SLC35F1: variants seen among roughly 807,000 people sequenced by gnomAD.
The protein encoded by SLC35F1 is chromosome 6 open reading frame 169.
A neutral mutation model predicts 48.7 loss-of-function variants in SLC35F1; 14 were observed. That is an observed-to-expected ratio of 0.29 (90% confidence interval 0.19 to 0.45). SLC35F1 has a LOEUF of 0.45. Among genes scored for constraint, SLC35F1 ranks in the 20% least tolerant of loss-of-function variants. SLC35F1 has a pLI of 1.00. For missense variants in SLC35F1, 404 were observed against 500.0 expected (o/e 0.81, Z 1.83); for synonymous variants, 190 against 202.2 (o/e 0.94, Z 0.51).
chr6:118,149,900 C>G (rs922524600), intron 1 of SLC35F1, among the ~76,000 whole-genome samples: 1 of 152,180 alleles, frequency 6.6e-6, no homozygotes, highest in Non-Finnish European at 1.5e-5. Context: ...TTGTCTTTAA[C>G]TCCTCTAGAG....
intron 1 of SLC35F1, among the ~76,000 whole-genome samples, chr6:118,114,229 C>T (rs1285933223): frequency 6.6e-6 from 1 of 152,148 alleles, no homozygotes; most frequent in Admixed American, 6.6e-5. Context: ...AACACTTAAC[C>T]ACTATACCTT....
chr6:118,303,412 A>C (rs1439726209), intron 7 of SLC35F1, among the ~76,000 whole-genome samples: 2 of 152,226 alleles, frequency 1.3e-5, no homozygotes, highest in Non-Finnish European at 2.9e-5. Context: ...CTAACAAAGT[A>C]ATTAGGAGAG....
At chr6:117,963,154 G>T (rs1175735996) in intron 1 of SLC35F1, among the ~76,000 whole-genome samples, 2 of 152,012 alleles carry the variant, frequency 1.3e-5, no homozygotes, top group African/African-American at 4.8e-5. Context: ...CAAAACTCTG[G>T]AATATTTAAC....
rs764027949 is a variant in SLC35F1 at position 118,267,168 on chromosome 6, T to C, written c.637+14T>C. The C allele has an allele frequency of 8.7e-6, 14 of 1,613,504 alleles. No homozygotes were observed. Among genetic ancestry groups the C allele is most frequent in the Non-Finnish European group, 1.2e-5 (14 of 1,179,658 alleles). ...ATCAGGGAGCAGGTGAGTCTTCGGA[T>C]GTTCACCAGGTTCCTTACCTCTGCG... On this transcript the variant is annotated intron_variant, in intron 4 of 7. Coordinates refer to ENST00000360388, the MANE Select transcript of SLC35F1 (RefSeq NM_001029858.4).
At chr6:118,074,708 G>A (rs1474379518) in intron 1 of SLC35F1, among the ~76,000 whole-genome samples, 1 of 152,164 alleles carries the variant, frequency 6.6e-6, no homozygotes, top group Non-Finnish European at 1.5e-5. Flanking sequence ...TAAATGCAGT[G>A]GCATGATCAC....
chr6:117,920,635 CA>C (rs1467399244), intron 1 of SLC35F1, among the ~76,000 whole-genome samples: 1 of 152,104 alleles, frequency 6.6e-6, no homozygotes, highest in African/African-American at 2.4e-5. Context: ...GCAGCTGGGT[CA>C]GGGGGTTGTC....
At chr6:118,138,280 C>G (rs1773827378) in intron 1 of SLC35F1, among the ~76,000 whole-genome samples, 1 of 150,632 alleles carries the variant, frequency 6.6e-6, no homozygotes, top group South Asian at 2.1e-4. Context: ...TGCACTTCAG[C>G]CTTGTATCAT....
At chr6:117,948,170 A>G (rs758595195) in intron 1 of SLC35F1, among the ~76,000 whole-genome samples, 1 of 152,218 alleles carries the variant, frequency 6.6e-6, no homozygotes, top group Non-Finnish European at 1.5e-5. Flanking sequence ...CAGGGCTTTA[A>G]CCAAGACAAA....
At chr6:118,209,561 C>T (rs1298313289) in intron 2 of SLC35F1, among the ~76,000 whole-genome samples, 1 of 152,000 alleles carries the variant, frequency 6.6e-6, no homozygotes, top group African/African-American at 2.4e-5. Context: ...GGAAACATAC[C>T]TCTGTAATTG....
intron 1 of SLC35F1, among the ~76,000 whole-genome samples, chr6:117,918,349 A>C (rs1298920254): frequency 1.3e-5 from 2 of 152,162 alleles, no homozygotes; most frequent in Non-Finnish European, 2.9e-5. Context: ...TGGAATTCAA[A>C]GCATGGTGGG....
Position 118,108,909 on chromosome 6 carries a change from C to T in SLC35F1, c.174-45536C>T, listed in dbSNP as rs188060544. The stretch of plus-strand genomic sequence containing the variant: ...TTAAATTGCAATACTTATTGCTTTT[C>T]TTTGTTTTGAATTATTCTAAAGTCC... On this transcript the variant is annotated intron_variant, in intron 1 of 7. Coordinates refer to ENST00000360388, the MANE Select transcript of SLC35F1 (RefSeq NM_001029858.4). Among the ~76,000 whole-genome samples, 514 of 152,152 alleles carry T rather than the reference C, an allele frequency of 3.4e-3. 1 individual carries two copies. The highest frequency in any genetic ancestry group is 5.8e-3 in the Non-Finnish European group (396 of 67,986).
intron 2 of SLC35F1, among the ~76,000 whole-genome samples, chr6:118,204,981 C>G (rs990292622): frequency 2.0e-5 from 3 of 152,292 alleles, no homozygotes; most frequent in African/African-American, 7.2e-5. Context: ...TGACAGAAAG[C>G]TACGCTGGAG....
rs186413731 is a variant in SLC35F1, at chr6:118,177,325, A to G, written c.349+22705A>G. On this transcript the variant is annotated intron_variant, in intron 2 of 7. Transcript: ENST00000360388. ...TGACCAAACTTCATCTTTTCTGAGCAAGCCTCCCTATCCTTTTGCTATCTT... is the reference window on the plus strand; with the variant it reads ...TGACCAAACTTCATCTTTTCTGAGCGAGCCTCCCTATCCTTTTGCTATCTT... Among the ~76,000 whole-genome samples, 10 of 152,238 alleles carry G rather than the reference A, an allele frequency of 6.6e-5. No individual in the cohort carries two copies. In the Middle Eastern group the frequency reaches 0.01, roughly 155 times the overall value.
At chr6:117,993,450 G>T (rs369421335) in intron 1 of SLC35F1, among the ~76,000 whole-genome samples, 1 of 151,826 alleles carries the variant, frequency 6.6e-6, no homozygotes, top group Non-Finnish European at 1.5e-5. Flanking sequence ...GTAAATATTC[G>T]TTCATTTAAA....
intron 3 of SLC35F1, among the ~76,000 whole-genome samples, chr6:118,237,045 A>G (rs900369569): frequency 6.6e-6 from 1 of 152,108 alleles, no homozygotes; most frequent in Non-Finnish European, 1.5e-5. Flanking sequence ...GCCTCCATGC[A>G]CAATATATAA....
chr6:117,970,254 G>A (rs9387528), intron 1 of SLC35F1, among the ~76,000 whole-genome samples: 57,389 of 151,970 alleles, frequency 0.38, 11,307 homozygotes, highest in South Asian at 0.52. Flanking sequence ...TAACTTACTC[G>A]ATCTTTAGGA....
At chr6:118,061,389 T>C (rs1385894485) in intron 1 of SLC35F1, among the ~76,000 whole-genome samples, 1 of 152,196 alleles carries the variant, frequency 6.6e-6, no homozygotes, top group Non-Finnish European at 1.5e-5. Flanking sequence ...CTAAAATTGC[T>C]TTTCTTGATG....
chr6:117,937,362 T>C (rs1776174633), intron 1 of SLC35F1, among the ~76,000 whole-genome samples: 4 of 152,242 alleles, frequency 2.6e-5, no homozygotes, highest in Admixed American at 2.0e-4. Flanking sequence ...TTGAAGCATA[T>C]GCTACAGCCT....
chr6:118,237,693 T>C (rs1461462370), intron 3 of SLC35F1, among the ~76,000 whole-genome samples: 13 of 152,182 alleles, frequency 8.5e-5, no homozygotes, highest in African/African-American at 3.1e-4. Context: ...CCAGCCCGTA[T>C]GTCTTCTTTA....
Sources: gnomAD v4.1 joint callset for allele counts (sites outside exome capture counted in the v4.1 genomes callset) on GRCh38, gnomAD v4.1.1 for gene constraint, MANE v1.5 for transcripts, NCBI Gene and HGNC (gene_info 2026-07-23, HGNC 2026-07-21) for gene names.